The following SDK1 variants were observed in gnomAD, a reference collection of about 807,000 sequenced individuals.
SDK1 encodes the protein protein sidekick-1.
SDK1 carries 157 observed loss-of-function variants against 245.5 expected under a neutral mutation model. The observed-to-expected ratio is 0.64, with a 90% CI of 0.56 to 0.73. The LOEUF is 0.73. SDK1 is among the 30% of genes least tolerant of loss of function. The pLI is 0.00. For missense variants in SDK1, 3,583 were observed against 3,002.3 expected (o/e 1.19, Z -4.52); for synonymous variants, 1,647 against 1,278.5 (o/e 1.29, Z -6.15).
At chr7:3,905,467 C>T (rs1778866935) in intron 5 of SDK1, among the ~76,000 whole-genome samples, 1 of 152,060 alleles carries the variant, frequency 6.6e-6, no homozygotes, top group South Asian at 2.1e-4. Flanking sequence ...AAGAAATCTG[C>T]TTTCAGTATA....
At chr7:4,135,898 C>T (rs759187342) in intron 28 of SDK1, among the ~76,000 whole-genome samples, 1 of 152,186 alleles carries the variant, frequency 6.6e-6, no homozygotes, top group Non-Finnish European at 1.5e-5. Flanking sequence ...ATTCCCGTTG[C>T]ATGCAGCAGT....
At chr7:3,375,671 A>G (rs1213235525) in intron 1 of SDK1, among the ~76,000 whole-genome samples, 4 of 152,106 alleles carry the variant, frequency 2.6e-5, no homozygotes, top group African/African-American at 9.7e-5. Flanking sequence ...GTCCTTGTGG[A>G]GAGGAACTGA....
At chr7:4,086,407 C>T (rs1045929625) in intron 22 of SDK1, among the ~76,000 whole-genome samples, 4 of 152,150 alleles carry the variant, frequency 2.6e-5, no homozygotes, top group African/African-American at 7.2e-5. Flanking sequence ...ATGTTTCTTC[C>T]GGAAGCTCTG....
chr7:4,113,303 A>G lies in SDK1; in HGVS notation c.3449A>G (p.Gln1150Arg), dbSNP rs1783470041. 1 of 1,613,262 alleles carries G rather than the reference A, an allele frequency of 6.2e-7. No individual in the cohort carries two copies. The highest frequency in any genetic ancestry group is 1.1e-5 in the South Asian group (1 of 90,954). The part of the protein sequence containing the change: ...PYTHYRFRMK[Q>R]VNIVGPSPYS... ...TTTTCCTTTAGATTTCGAATGAAGC[A>G]AGTGAACATTGTTGGGCCGAGCCCC... is the stretch of plus-strand genomic sequence containing the variant. Residue 1150 changes from glutamine (Q) to arginine (R), a missense_variant, in exon 24 of 45, where the codon CAA (glutamine) becomes CGA (arginine). Gln to Arg is a conservative substitution (Grantham distance 43). Coordinates refer to ENST00000404826, the MANE Select transcript of SDK1 (RefSeq NM_152744.4).
At chr7:3,810,469 A>G (rs1046330287) in intron 4 of SDK1, among the ~76,000 whole-genome samples, 19 of 152,204 alleles carry the variant, frequency 1.2e-4, no homozygotes, top group African/African-American at 4.3e-4. Flanking sequence ...GGAATTTGGC[A>G]TAGCCATTTA....
At chr7:4,005,920 TG>T (rs1785453316) in intron 14 of SDK1, among the ~76,000 whole-genome samples, 1 of 151,596 alleles carries the variant, frequency 6.6e-6, no homozygotes, top group South Asian at 2.1e-4. Context: ...GGTCCCAGCC[TG>T]GGGGATGGAA....
At chr7:3,785,735 G>C (rs1230526400) in intron 4 of SDK1, among the ~76,000 whole-genome samples, 1 of 152,046 alleles carries the variant, frequency 6.6e-6, no homozygotes. Context: ...ATGATTATAA[G>C]ACTTCTGAGC....
intron 4 of SDK1, among the ~76,000 whole-genome samples, chr7:3,718,875 C>A (rs1009253026): frequency 2.0e-5 from 3 of 152,106 alleles, no homozygotes; most frequent in African/African-American, 7.2e-5. Context: ...CATTGAAAAT[C>A]CAAAGGAATT....
At chr7:4,154,592 A>G (rs1374739966) in intron 30 of SDK1, among the ~76,000 whole-genome samples, 1 of 152,116 alleles carries the variant, frequency 6.6e-6, no homozygotes, top group Admixed American at 6.5e-5. Context: ...AGAGCACATC[A>G]CATTTATTCA....
At chr7:3,313,618 C>T (rs769591899) in intron 1 of SDK1, among the ~76,000 whole-genome samples, 3 of 152,150 alleles carry the variant, frequency 2.0e-5, no homozygotes, top group African/African-American at 4.8e-5. Flanking sequence ...GCAGTTTCCA[C>T]TACAAGTACT....
At chr7:3,672,980 TTTTTTCTA>T (rs1783766629) in intron 4 of SDK1, among the ~76,000 whole-genome samples, 1 of 151,394 alleles carries the variant, frequency 6.6e-6, no homozygotes, top group Non-Finnish European at 1.5e-5. Context: ...CTTTTATTCC[TTTTTTCTA>T]TTTTTTTTAA....
intron 14 of SDK1, among the ~76,000 whole-genome samples, chr7:3,999,231 C>T (rs1034274458): frequency 1.3e-5 from 2 of 152,164 alleles, no homozygotes; most frequent in Admixed American, 1.3e-4. Flanking sequence ...TAGTTTCTTT[C>T]TCCCCATTCC....
chr7:4,252,728 A>T (rs904272331), intron 44 of SDK1, among the ~76,000 whole-genome samples: 2 of 151,840 alleles, frequency 1.3e-5, no homozygotes, highest in Non-Finnish European at 2.9e-5. Context: ...TGTTTGATAG[A>T]TTTCATCAGT....
intron 34 of SDK1, 97 bp from the exon 35 acceptor site, chr7:4,178,388 G>A (rs1782378581): frequency 1.6e-5 from 14 of 859,396 alleles, no homozygotes; most frequent in Non-Finnish European, 2.6e-5. Context: ...TCTCCTTGGA[G>A]GGTGCTCCTT....
intron 1 of SDK1, among the ~76,000 whole-genome samples, chr7:3,564,925 C>T (rs1027959307): frequency 2.0e-5 from 3 of 151,918 alleles, no homozygotes; most frequent in Non-Finnish European, 4.4e-5. Flanking sequence ...ATGCGATTAT[C>T]TCAAGCAGTC....
intron 5 of SDK1, among the ~76,000 whole-genome samples, chr7:3,923,614 C>T (rs1583570234): frequency 6.6e-6 from 1 of 152,230 alleles, no homozygotes; most frequent in Non-Finnish European, 1.5e-5. Flanking sequence ...TGTGTGTCTT[C>T]ACAAGTCCTC....
intron 4 of SDK1, among the ~76,000 whole-genome samples, chr7:3,752,127 A>G: frequency 6.6e-6 from 1 of 152,150 alleles, no homozygotes; most frequent in Non-Finnish European, 1.5e-5. Context: ...CGTATATTGC[A>G]CTTTTCGTTT....
At chr7:4,062,187 G>C (rs542914120) in intron 19 of SDK1, among the ~76,000 whole-genome samples, 2 of 152,194 alleles carry the variant, frequency 1.3e-5, no homozygotes, top group African/African-American at 4.8e-5. Flanking sequence ...TTTTAGGGAA[G>C]ATACACAAAA....
chr7:4,262,018 C>CTTTTTTTTT lies in SDK1; in HGVS notation c.6382-3085_6382-3077dup, dbSNP rs34610558. ...AATCAATTTCACCCTCTGCTTTCTC[C>CTTTTTTTTT]TTTTTTTTTTTTTTTTTTTTTTTTT... On this transcript the variant is annotated intron_variant, in intron 44 of 44. Transcript: ENST00000404826. Among the ~76,000 whole-genome samples, 10 of 59,252 alleles carry CTTTTTTTTT rather than the reference C, an allele frequency of 1.7e-4. 3 individuals carry two copies. The highest frequency in any genetic ancestry group is 4.7e-4 in the African/African-American group (5 of 10,540). The allele number at this position is 59,252 out of a possible 152,430, so 38.9% of individuals were successfully genotyped here. A position where few individuals can be genotyped will look rare whatever the true frequency, so the allele number is the denominator to read the frequency against.
Sources: allele counts gnomAD v4.1 joint callset (sites outside exome capture counted in the v4.1 genomes callset), GRCh38; gene constraint gnomAD v4.1.1; transcripts MANE v1.5; gene names NCBI Gene and HGNC (gene_info 2026-07-23, HGNC 2026-07-21).